Variants in PIAS2 observed in about 807,000 individuals in gnomAD.
PIAS2 encodes the protein E3 SUMO-protein ligase PIAS2.
In PIAS2, 19 loss-of-function variants were observed where a neutral mutation model predicts 69.7. The ratio of observed to expected loss-of-function variants is 0.27; its 90% CI spans 0.19 to 0.40. The LOEUF (loss-of-function observed/expected upper bound fraction) is 0.40, where lower values mean the gene tolerates loss of function less well. PIAS2 is among the 10% of genes least tolerant of loss of function. The pLI, the probability that PIAS2 is intolerant of heterozygous loss-of-function variation, is 1.00. For synonymous variants in PIAS2, 261 were observed against 263.2 expected, an observed-to-expected ratio of 0.99 and a Z score of 0.08; for missense variants, 624 against 757.0, an observed-to-expected ratio of 0.82 and a Z score of 2.06.
chr18:46,842,153 G>T (rs887678861), intron 8 of PIAS2, among the ~76,000 whole-genome samples: 4 of 151,626 alleles, frequency 2.6e-5, no homozygotes, highest in African/African-American at 9.7e-5. Context: ...TTGAACCCAG[G>T]AGGTTGAAGC....
rs376544501 is a variant in PIAS2 at position 46,804,953 on chromosome 18, C to T, written c.*7480G>A. 6.6e-6 allele frequency: 1 copy of T among 152,212 alleles called. No individual in the cohort carries two copies. Among genetic ancestry groups the T allele is most frequent in the African/African-American group, 2.4e-5 (1 of 41,430 alleles). The allele number at this position is 152,212 out of a possible 1,614,324, so 9.4% of individuals were successfully genotyped here. A position where few individuals can be genotyped will look rare whatever the true frequency, so the allele number is the denominator to read the frequency against. On this transcript the variant is annotated 3_prime_UTR_variant, in exon 14 of 14. Transcript: ENST00000585916. ...GAGGGGAAGTCTGACAGAGGAAGGT[C>T]CTGAAGATGACAGGAGGAGACCAGA...
intron 9 of PIAS2, among the ~76,000 whole-genome samples, chr18:46,833,975 C>T (rs1398363448): frequency 6.6e-6 from 1 of 152,086 alleles, no homozygotes; most frequent in Non-Finnish European, 1.5e-5. Context: ...CAATTTTCCT[C>T]CCACAGTGTC....
intron 6 of PIAS2, among the ~76,000 whole-genome samples, chr18:46,846,172 A>T (rs1431336978): frequency 6.6e-6 from 1 of 152,204 alleles, no homozygotes; most frequent in Non-Finnish European, 1.5e-5. Flanking sequence ...TTATTATAAG[A>T]CCAAAAATCA....
chr18:46,818,356 A>G (rs2041791093), intron 12 of PIAS2: 1 of 1,521,960 alleles, frequency 6.6e-7, no homozygotes, highest in Non-Finnish European at 8.8e-7. Flanking sequence ...ATAAATACAA[A>G]TTATTTGTTT....
chr18:46,844,518 T>C lies in PIAS2; in HGVS notation c.967+216A>G, dbSNP rs532814489. On this transcript the variant is annotated intron_variant, in intron 7 of 13. Transcript: ENST00000585916. Reference sequence around the variant, plus strand: ...TTATTAAATTTGTAAACAGAAAAGATAAAAATATTTATACTTCCTTTGATA... The same window carrying C: ...TTATTAAATTTGTAAACAGAAAAGACAAAAATATTTATACTTCCTTTGATA... 5.9e-5 allele frequency among the ~76,000 whole-genome samples: 9 copies of C among 152,168 alleles called. No individual in the cohort carries two copies. In the South Asian group the frequency reaches 1.2e-3, roughly 21 times the overall value.
At chr18:46,835,255 G>A (rs552693928) in intron 9 of PIAS2, among the ~76,000 whole-genome samples, 3 of 152,298 alleles carry the variant, frequency 2.0e-5, no homozygotes, top group East Asian at 3.9e-4. Flanking sequence ...AAACAACTGT[G>A]ATAGAATGTT....
At chr18:46,829,683 A>C (rs2043312930) in intron 10 of PIAS2, 51 bp downstream of exon 10, 2 of 1,528,740 alleles carry the variant, frequency 1.3e-6, no homozygotes, top group South Asian at 1.2e-5. Context: ...GATTAATGAT[A>C]ATGTTGCACG....
At chr18:46,822,028 T>C (rs535146000) in intron 11 of PIAS2, among the ~76,000 whole-genome samples, 122 of 152,324 alleles carry the variant, frequency 8.0e-4, no homozygotes, top group African/African-American at 2.7e-3. Flanking sequence ...ACTGGTCTTA[T>C]GGTTGATGGT....
intron 5 of PIAS2, 117 bp downstream of exon 5, chr18:46,855,228 A>T: frequency 1.6e-6 from 1 of 625,646 alleles, no homozygotes; most frequent in South Asian, 2.7e-5. Context: ...AATAGTATTT[A>T]ATCTGGATGC....
chr18:46,808,698 T>A lies in PIAS2; in HGVS notation c.*3735A>T, dbSNP rs1003776555. 1 of 152,130 alleles carries A rather than the reference T, an allele frequency of 6.6e-6. No individual in the cohort carries two copies. Among genetic ancestry groups the A allele is most frequent in the African/African-American group, 2.4e-5 (1 of 41,420 alleles). The allele number at this position is 152,130 out of a possible 1,614,324, so 9.4% of individuals were successfully genotyped here. ...GGTGCACTGCTCTACATTTTTCTAT[T>A]ATGCAAAGAGCTAGAAAATAATGGT... is the stretch of plus-strand genomic sequence containing the variant. On this transcript the variant is annotated 3_prime_UTR_variant, in exon 14 of 14. Coordinates refer to ENST00000585916, the MANE Select transcript of PIAS2 (RefSeq NM_004671.5).
intron 1 of PIAS2, chr18:46,916,755 G>T: frequency 1.1e-6 from 1 of 905,440 alleles, no homozygotes; most frequent in Non-Finnish European, 1.3e-6. Flanking sequence ...TGAAGGCAGG[G>T]ATCCCCAAAC....
chr18:46,814,624 C>G (rs1459155269), intron 13 of PIAS2, among the ~76,000 whole-genome samples: 1 of 152,146 alleles, frequency 6.6e-6, no homozygotes, highest in Non-Finnish European at 1.5e-5. Flanking sequence ...GAAGCAGTGA[C>G]CCGTGGTTCT....
intron 2 of PIAS2, among the ~76,000 whole-genome samples, chr18:46,871,671 T>C (rs2050378899): frequency 6.6e-6 from 1 of 152,212 alleles, no homozygotes. Context: ...TTCCTGTTTG[T>C]TTCCCTTTAC....
chr18:46,828,460 T>C lies in PIAS2; in HGVS notation c.1337-330A>G, dbSNP rs955246133. 1.1e-4 allele frequency among the ~76,000 whole-genome samples: 17 copies of C among 152,278 alleles called. 1 individual carries two copies. In the South Asian group the frequency reaches 2.3e-3, roughly 20 times the overall value. On this transcript the variant is annotated intron_variant, in intron 10 of 13. Transcript: ENST00000585916. ...TCCTGTCTCTGCAGGTCAGCAGTCG[T>C]TTTACAGAAAGACACGCAGAGTTAG...
At position 46,803,224 on chromosome 18, in the gene PIAS2, T is replaced by C. The variant is rs1007151013; in HGVS notation, c.*9209A>G. ...GACCAATGAAAGCAATGGGTCATAGTTTAATTAGCAGGTTTAATTTTTCTT... is the reference window on the plus strand; with the variant it reads ...GACCAATGAAAGCAATGGGTCATAGCTTAATTAGCAGGTTTAATTTTTCTT... On this transcript the variant is annotated 3_prime_UTR_variant, in exon 14 of 14. Coordinates refer to ENST00000585916, the MANE Select transcript of PIAS2 (RefSeq NM_004671.5). 3.3e-5 allele frequency: 5 copies of C among 152,082 alleles called. No homozygotes were observed. Among genetic ancestry groups the C allele is most frequent in the Admixed American group, 6.6e-5 (1 of 15,258 alleles). The allele number at this position is 152,082 out of a possible 1,614,324, so 9.4% of individuals were successfully genotyped here.
rs2041093092 is a variant in PIAS2 at position 46,812,683 on chromosome 18, T to C, written c.1687-71A>G. On this transcript the variant is annotated intron_variant, in intron 13 of 13. Coordinates refer to ENST00000585916, the MANE Select transcript of PIAS2 (RefSeq NM_004671.5). ...TTTTAAATAAAGAGACTAGAAATTA[T>C]TAGATATGCACAAGCAATAGTCACA... is the stretch of plus-strand genomic sequence containing the variant. 10 of 892,004 alleles carry C rather than the reference T, an allele frequency of 1.1e-5. No individual in the cohort carries two copies. In the East Asian group the frequency reaches 2.5e-4, roughly 22 times the overall value. The allele number at this position is 892,004 out of a possible 1,614,324, so 55.3% of individuals were successfully genotyped here. A position where few individuals can be genotyped will look rare whatever the true frequency, so the allele number is the denominator to read the frequency against.
intron 10 of PIAS2, among the ~76,000 whole-genome samples, chr18:46,828,441 C>A (rs17182429): frequency 6.6e-6 from 1 of 152,196 alleles, no homozygotes. Flanking sequence ...CTCATCCTGT[C>A]TCTGCAGGTC....
At chr18:46,916,786 T>C in intron 1 of PIAS2, 1 of 983,052 alleles carries the variant, frequency 1.0e-6, no homozygotes, top group Non-Finnish European at 1.2e-6. Flanking sequence ...TCGAAGATGT[T>C]AGGAGGCAAG....
chr18:46,821,203 C>T (rs1039435270), intron 11 of PIAS2, 131 bp from the exon 12 acceptor site: 4 of 756,474 alleles, frequency 5.3e-6, no homozygotes, highest in Non-Finnish European at 9.0e-6. Context: ...CTACTCACTA[C>T]ACAGCACTCC....
Sources: allele counts gnomAD v4.1 joint callset (sites outside exome capture counted in the v4.1 genomes callset), GRCh38; gene constraint gnomAD v4.1.1; transcripts MANE v1.5; gene names NCBI Gene and HGNC (gene_info 2026-07-23, HGNC 2026-07-21).